The following SLC9C1 variants were observed in gnomAD, a reference collection of about 807,000 sequenced individuals.
The protein encoded by SLC9C1 is sodium/hydrogen exchanger 10.
SLC9C1 carries 97 observed loss-of-function variants against 140.9 expected under a neutral mutation model. The observed-to-expected ratio is 0.69, with a 90% confidence interval of 0.58 to 0.82. The LOEUF is 0.82. Ranked by LOEUF, SLC9C1 falls within the 40% of genes least tolerant of loss-of-function variation. SLC9C1 has a pLI of 0.00. For missense variants in SLC9C1, 1,340 were observed against 1,389.3 expected (o/e 0.96, Z 0.56); for synonymous variants, 440 against 442.6 (o/e 0.99, Z 0.07).
intron 2 of SLC9C1, among the ~76,000 whole-genome samples, chr3:112,284,574 T>C (rs56404254): frequency 0.21 from 32,487 of 152,168 alleles, 3,944 homozygotes; most frequent in Middle Eastern, 0.33. Context: ...GTTCTAGATA[T>C]GTAGCCAGGG....
chr3:112,178,313 T>G (rs923030010), intron 23 of SLC9C1, among the ~76,000 whole-genome samples: 13 of 151,910 alleles, frequency 8.6e-5, no homozygotes, highest in African/African-American at 3.1e-4. Context: ...TAATTTTTTT[T>G]TTTATTTTTT....
intron 13 of SLC9C1, among the ~76,000 whole-genome samples, chr3:112,227,325 G>A (rs2078708523): frequency 6.6e-6 from 1 of 152,090 alleles, no homozygotes. Flanking sequence ...CATGAACACA[G>A]ATGCAAAAAT....
At chr3:112,260,272 C>A (rs2079735687) in intron 10 of SLC9C1, among the ~76,000 whole-genome samples, 1 of 141,068 alleles carries the variant, frequency 7.1e-6, no homozygotes, top group Non-Finnish European at 1.5e-5. Flanking sequence ...TTGGATATTT[C>A]TTATTTCTAG....
At chr3:112,249,693 A>G (rs1276148133) in intron 10 of SLC9C1, among the ~76,000 whole-genome samples, 2 of 152,040 alleles carry the variant, frequency 1.3e-5, no homozygotes, top group Non-Finnish European at 2.9e-5. Flanking sequence ...CCAATAATTT[A>G]TCTATTTCTT....
chr3:112,256,578 G>A (rs925399368), intron 10 of SLC9C1, among the ~76,000 whole-genome samples: 1 of 151,938 alleles, frequency 6.6e-6, no homozygotes, highest in Non-Finnish European at 1.5e-5. Flanking sequence ...AAAATAATAA[G>A]AGCCCTTTAT....
intron 28 of SLC9C1, among the ~76,000 whole-genome samples, chr3:112,147,139 T>C (rs2074823609): frequency 6.6e-6 from 1 of 152,238 alleles, no homozygotes; most frequent in Non-Finnish European, 1.5e-5. Flanking sequence ...TTGTTTTCCA[T>C]TTGCATGGTA....
chr3:112,211,491 T>C (rs2078203242), intron 15 of SLC9C1, among the ~76,000 whole-genome samples: 1 of 152,120 alleles, frequency 6.6e-6, no homozygotes, highest in African/African-American at 2.4e-5. Flanking sequence ...ATCTGGAAAA[T>C]CGGGTCACTC....
chr3:112,274,447 C>T (rs1415481231), intron 6 of SLC9C1, among the ~76,000 whole-genome samples: 1 of 152,116 alleles, frequency 6.6e-6, no homozygotes, highest in Non-Finnish European at 1.5e-5. Flanking sequence ...TTCTCTGGCC[C>T]TGTAGATGGC....
intron 6 of SLC9C1, among the ~76,000 whole-genome samples, chr3:112,273,372 T>A (rs1223135534): frequency 6.6e-6 from 1 of 152,126 alleles, no homozygotes; most frequent in Non-Finnish European, 1.5e-5. Flanking sequence ...CTAAAGATGA[T>A]GTACCTTTCT....
intron 13 of SLC9C1, among the ~76,000 whole-genome samples, chr3:112,225,183 A>G (rs1242056757): frequency 6.6e-6 from 1 of 152,162 alleles, no homozygotes; most frequent in Non-Finnish European, 1.5e-5. Flanking sequence ...ATATCAGCAT[A>G]TTTCTCAGCA....
At chr3:112,210,422 G>A (rs1488835187) in intron 15 of SLC9C1, among the ~76,000 whole-genome samples, 1 of 152,168 alleles carries the variant, frequency 6.6e-6, no homozygotes, top group Non-Finnish European at 1.5e-5. Flanking sequence ...ATTAGGCTAA[G>A]TCAAAGAAGC....
At chr3:112,264,642 G>A (rs889615857) in intron 8 of SLC9C1, among the ~76,000 whole-genome samples, 1 of 151,926 alleles carries the variant, frequency 6.6e-6, no homozygotes, top group African/African-American at 2.4e-5. Flanking sequence ...TTAGGTACTA[G>A]AGGGCATATA....
intron 10 of SLC9C1, among the ~76,000 whole-genome samples, chr3:112,247,872 A>AGTGT (rs56782439): frequency 0.19 from 28,480 of 149,786 alleles, 2,928 homozygotes; most frequent in Middle Eastern, 0.24. Context: ...TTTACTCTTG[A>AGTGT]GTGTGTGTGT....
At chr3:112,168,036 A>G (rs1432981964) in intron 25 of SLC9C1, among the ~76,000 whole-genome samples, 1 of 152,154 alleles carries the variant, frequency 6.6e-6, no homozygotes, top group African/African-American at 2.4e-5. Flanking sequence ...CATTCCCATT[A>G]CACTTTTTTC....
At chr3:112,259,204 C>G (rs1298975326) in intron 10 of SLC9C1, among the ~76,000 whole-genome samples, 2 of 152,130 alleles carry the variant, frequency 1.3e-5, no homozygotes, top group Non-Finnish European at 2.9e-5. Context: ...AACAGAAAAC[C>G]AAATACTGCA....
At chr3:112,243,793 C>A (rs990192179) in intron 11 of SLC9C1, among the ~76,000 whole-genome samples, 1 of 151,588 alleles carries the variant, frequency 6.6e-6, no homozygotes, top group South Asian at 2.1e-4. Flanking sequence ...TGGGTTCCAG[C>A]GATCCTCCCC....
At chr3:112,288,206 T>A (rs2080576115) in intron 1 of SLC9C1, among the ~76,000 whole-genome samples, 1 of 152,058 alleles carries the variant, frequency 6.6e-6, no homozygotes, top group Non-Finnish European at 1.5e-5. Flanking sequence ...TATAAAACAA[T>A]ATTTTGAAGG....
intron 28 of SLC9C1, among the ~76,000 whole-genome samples, chr3:112,150,805 TATATAAATACATATACATATATATA>T (rs2074941502): frequency 2.0e-5 from 1 of 48,802 alleles, no homozygotes; most frequent in Non-Finnish European, 3.9e-5. Flanking sequence ...TATATATATA[TATATAAATACATATACATATATATA>T]TATATATATA....
intron 25 of SLC9C1, among the ~76,000 whole-genome samples, chr3:112,168,333 A>G (rs1442155234): frequency 9.4e-6 from 1 of 106,822 alleles, no homozygotes; most frequent in Non-Finnish European, 2.1e-5. Context: ...ACACACACAC[A>G]CACACACACA....
Sources: gnomAD v4.1 joint callset for allele counts (sites outside exome capture counted in the v4.1 genomes callset) on GRCh38, gnomAD v4.1.1 for gene constraint, MANE v1.5 for transcripts, NCBI Gene and HGNC (gene_info 2026-07-23, HGNC 2026-07-21) for gene names.